RPF2: variants seen among roughly 807,000 people sequenced by gnomAD.
RPF2 encodes ribosome production factor 2 homolog.
In RPF2, 21 loss-of-function variants were observed where a neutral mutation model predicts 38.9. The ratio of observed to expected loss-of-function variants is 0.54; its 90% CI spans 0.38 to 0.78. The LOEUF (loss-of-function observed/expected upper bound fraction) is 0.78, where lower values mean the gene tolerates loss of function less well. RPF2 is among the 30% of genes least tolerant of loss of function. The pLI is 0.00. For missense variants in RPF2, 314 were observed against 358.1 expected, an observed-to-expected ratio of 0.88 and a Z score of 0.99; for synonymous variants, 121 against 126.2, an observed-to-expected ratio of 0.96 and a Z score of 0.28.
At chr6:110,984,652 C>G (rs6926809) in intron 1 of RPF2, among the ~76,000 whole-genome samples, 31,045 of 151,876 alleles carry the variant, frequency 0.2, 3,201 homozygotes, top group South Asian at 0.23. Flanking sequence ...ATAGCCTGAC[C>G]AACATGGCGA....
At chr6:110,996,908 T>C (rs1169309242) in intron 4 of RPF2, among the ~76,000 whole-genome samples, 3 of 152,158 alleles carry the variant, frequency 2.0e-5, no homozygotes, top group Non-Finnish European at 4.4e-5. Flanking sequence ...TTCAAGCGAT[T>C]CTCGTGCCTC....
intron 5 of RPF2, among the ~76,000 whole-genome samples, chr6:110,997,500 G>T (rs1771736690): frequency 1.3e-5 from 2 of 152,190 alleles, no homozygotes; most frequent in African/African-American, 4.8e-5. Context: ...CCAGCACTTT[G>T]GGTGGCGAGG....
At chr6:111,017,596 G>A (rs1235047020) in intron 8 of RPF2, among the ~76,000 whole-genome samples, 9 of 144,408 alleles carry the variant, frequency 6.2e-5, no homozygotes, top group East Asian at 4.4e-4. Flanking sequence ...GGGCAGAGGC[G>A]CTCCTCACAT....
chr6:110,998,944 C>CAAAAAAA (rs34900246), intron 5 of RPF2, among the ~76,000 whole-genome samples: 1 of 86,172 alleles, frequency 1.2e-5, no homozygotes, highest in Non-Finnish European at 2.6e-5. Flanking sequence ...GTCTTCATCT[C>CAAAAAAA]AAAAAAAAAA....
intron 4 of RPF2, 117 bp from the exon 5 acceptor site, chr6:110,997,066 G>T: frequency 3.0e-6 from 2 of 669,158 alleles, no homozygotes; most frequent in South Asian, 3.3e-5. Context: ...CGTCCCAAGT[G>T]CTGGGATTAC....
At chr6:111,014,579 G>C (rs1040329360) in intron 7 of RPF2, among the ~76,000 whole-genome samples, 1 of 152,218 alleles carries the variant, frequency 6.6e-6, no homozygotes, top group Non-Finnish European at 1.5e-5. Flanking sequence ...GACTAGAACA[G>C]AATTTCCCAC....
chr6:111,010,937 A>T (rs1772002459), intron 7 of RPF2, among the ~76,000 whole-genome samples: 1 of 152,308 alleles, frequency 6.6e-6, no homozygotes, highest in African/African-American at 2.4e-5. Context: ...GCTACTTTTT[A>T]AAAAAGAAAC....
intron 5 of RPF2, among the ~76,000 whole-genome samples, chr6:110,998,944 C>CAA (rs34900246): frequency 8.1e-5 from 7 of 86,174 alleles, no homozygotes; most frequent in South Asian, 3.5e-4. Context: ...GTCTTCATCT[C>CAA]AAAAAAAAAA....
rs1056972462 is a variant in RPF2, at chr6:110,999,622, T to C, written c.317-89T>C. 51 of 780,510 alleles carry C rather than the reference T, an allele frequency of 6.5e-5. No individual in the cohort carries two copies. In the African/African-American group the frequency reaches 7.3e-4, roughly 11 times the overall value. 48.3% of individuals were successfully genotyped at this position (780,510 alleles called of 1,614,324 possible). On this transcript the variant is annotated intron_variant, in intron 5 of 9. Coordinates refer to ENST00000441448, the MANE Select transcript of RPF2 (RefSeq NM_032194.3). ...ATAGGGAGAAAAAAGAGGCAGATAT[T>C]AGGACATTTTGAATACACAGCTCTT...
intron 7 of RPF2, among the ~76,000 whole-genome samples, chr6:111,010,910 T>G (rs1242957946): frequency 6.6e-6 from 1 of 152,216 alleles, no homozygotes; most frequent in African/African-American, 2.4e-5. Context: ...TAGAATTTAT[T>G]TCCCGTATTA....
intron 8 of RPF2, among the ~76,000 whole-genome samples, chr6:111,020,117 A>G: frequency 6.6e-6 from 1 of 152,082 alleles, no homozygotes; most frequent in East Asian, 1.9e-4. Flanking sequence ...ACAGGGTTTC[A>G]CCATGTTAGT....
At chr6:111,007,489 A>G (rs1014989953) in intron 6 of RPF2, among the ~76,000 whole-genome samples, 2 of 152,124 alleles carry the variant, frequency 1.3e-5, no homozygotes, top group South Asian at 2.1e-4. Flanking sequence ...CCTTGAGCCC[A>G]AGAGTTTGAG....
chr6:110,984,167 T>C (rs1771483118), intron 1 of RPF2, among the ~76,000 whole-genome samples: 1 of 152,192 alleles, frequency 6.6e-6, no homozygotes, highest in Non-Finnish European at 1.5e-5. Flanking sequence ...TTCTCAGCAA[T>C]GATGTTGGAG....
chr6:110,995,665 A>T (rs1476850714), intron 4 of RPF2, among the ~76,000 whole-genome samples: 1 of 152,186 alleles, frequency 6.6e-6, no homozygotes, highest in Non-Finnish European at 1.5e-5. Flanking sequence ...GATCTCAGTA[A>T]ACTGAATCAA....
rs1771781293 is a variant in RPF2 at position 110,999,739 on chromosome 6, T to C, written c.345T>C (p.Asp115=). Residue 115 remains aspartate, a synonymous_variant, in exon 6 of 10, where the codon GAT becomes GAC. Transcript: ENST00000441448. ...IGRMYDYHVL[D]MIELGIENFV... is the part of the protein sequence containing the mutation. ...GTATGTATGACTACCATGTGCTGGA[T>C]ATGATTGAATTAGGTATTGAGAATT... 6.2e-7 allele frequency: 1 copy of C among 1,603,294 alleles called. No homozygotes were observed. Among genetic ancestry groups the C allele is most frequent in the East Asian group, 2.2e-5 (1 of 44,764 alleles).
intron 5 of RPF2, among the ~76,000 whole-genome samples, chr6:110,998,717 C>A (rs1771762189): frequency 6.6e-6 from 1 of 152,086 alleles, no homozygotes; most frequent in Admixed American, 6.6e-5. Flanking sequence ...GTCAGGCGAC[C>A]ATCAGGTGAC....
intron 2 of RPF2, among the ~76,000 whole-genome samples, chr6:110,986,971 A>T (rs58801405): frequency 0.25 from 37,210 of 150,700 alleles, 5,326 homozygotes; most frequent in East Asian, 0.65. Context: ...AAAAAAAAAG[A>T]CATAGTATGT....
At chr6:111,010,835 A>G (rs1364418446) in intron 7 of RPF2, among the ~76,000 whole-genome samples, 1 of 151,894 alleles carries the variant, frequency 6.6e-6, no homozygotes, top group Non-Finnish European at 1.5e-5. Flanking sequence ...TATGGTCTTT[A>G]TTGTCAGGAT....
At chr6:111,006,309 ACTAC>A (rs1380204980) in intron 6 of RPF2, among the ~76,000 whole-genome samples, 4 of 151,698 alleles carry the variant, frequency 2.6e-5, no homozygotes, top group Admixed American at 2.6e-4. Context: ...ATCTCGGCTC[ACTAC>A]AACCTCTGTC....
Sources: allele counts gnomAD v4.1 joint callset (sites outside exome capture counted in the v4.1 genomes callset), GRCh38; gene constraint gnomAD v4.1.1; transcripts MANE v1.5; gene names NCBI Gene and HGNC (gene_info 2026-07-23, HGNC 2026-07-21).